Variants in HOXC4 observed in about 807,000 individuals in gnomAD.
HOXC4 encodes the protein homeobox C4.
In HOXC4, 15 loss-of-function variants were observed where a neutral mutation model predicts 25.5. The observed-to-expected ratio is 0.59, with a 90% confidence interval of 0.39 to 0.91. The LOEUF (loss-of-function observed/expected upper bound fraction) is 0.91. Among genes scored for constraint, HOXC4 ranks in the 40% least tolerant of loss-of-function variants. The pLI, the probability that HOXC4 is intolerant of heterozygous loss-of-function variation, is 0.00. For synonymous variants in HOXC4, 165 were observed against 148.0 expected, an observed-to-expected ratio of 1.11 and a Z score of -0.83; for missense variants, 342 against 352.4, an observed-to-expected ratio of 0.97 and a Z score of 0.24.
upstream of HOXC4, among the ~76,000 whole-genome samples, chr12:54,051,963 AT>A (rs558720502): frequency 6.2e-3 from 924 of 149,940 alleles, 5 homozygotes; most frequent in Non-Finnish European, 9.7e-3. Context: ...CAAGGGCTTT[AT>A]TTTTTTTTTC....
intron 1 of HOXC4, among the ~76,000 whole-genome samples, chr12:54,026,444 A>T (rs1317262712): frequency 6.6e-6 from 1 of 152,260 alleles, no homozygotes; most frequent in Non-Finnish European, 1.5e-5. Flanking sequence ...CACCCCAAAA[A>T]TGAGATAACT....
At chr12:54,034,684 C>T (rs745393889) in intron 1 of HOXC4, 70 of 580,240 alleles carry the variant, frequency 1.2e-4, no homozygotes, top group Non-Finnish European at 2.0e-4. Context: ...GCGGGGCTGT[C>T]GGCGCTGCCC....
chr12:54,039,497 G>C (rs1390914753), intron 1 of HOXC4, among the ~76,000 whole-genome samples: 1 of 151,920 alleles, frequency 6.6e-6, no homozygotes, highest in South Asian at 2.1e-4. Flanking sequence ...CCTCAGTCTC[G>C]GCCAAGATTC....
intron 1 of HOXC4, among the ~76,000 whole-genome samples, chr12:54,023,138 C>T (rs542107915): frequency 6.6e-6 from 1 of 152,350 alleles, no homozygotes; most frequent in African/African-American, 2.4e-5. Context: ...AAGCCCCCTC[C>T]TCAGCTAATA....
At position 54,034,591 on chromosome 12, in the gene HOXC4, G is replaced by A. The variant is rs1033589649; in HGVS notation, c.-124+17177G>A. 7.0e-6 allele frequency: 7 copies of A among 998,792 alleles called. No individual in the cohort carries two copies. The African/African-American group carries it at 1.1e-4, about 16-fold the overall frequency. 61.9% of individuals were successfully genotyped at this position (998,792 alleles called of 1,614,324 possible). A position where few individuals can be genotyped will look rare whatever the true frequency, so the allele number is the denominator to read the frequency against. ...TCTCTATATTTCGGGTCGGGGGCAG[G>A]TGCTGGAGCACTGGGCTCCCGGGCC... is the stretch of plus-strand genomic sequence containing the variant. On this transcript the variant is annotated intron_variant, in intron 1 of 3. Coordinates refer to the HOXC4 transcript ENST00000303406.
At chr12:54,040,116 G>A (rs1413424292) in intron 1 of HOXC4, among the ~76,000 whole-genome samples, 1 of 152,134 alleles carries the variant, frequency 6.6e-6, no homozygotes, top group East Asian at 1.9e-4. Flanking sequence ...CGCAAAGGAG[G>A]CCTGAAATTC....
intron 1 of HOXC4, chr12:54,033,276 C>T: frequency 1.9e-6 from 3 of 1,614,214 alleles, no homozygotes; most frequent in Non-Finnish European, 1.7e-6. Context: ...TTTCCCACCG[C>T]CTGCGCCTTC....
intron 1 of HOXC4, among the ~76,000 whole-genome samples, chr12:54,043,003 A>G (rs916192115): frequency 7.2e-5 from 11 of 152,310 alleles, no homozygotes; most frequent in South Asian, 2.1e-4. Context: ...CCCTCTCCCA[A>G]TCCTAAGGTT....
upstream of HOXC4, among the ~76,000 whole-genome samples, chr12:54,051,546 G>A (rs781518230): frequency 1.3e-5 from 2 of 152,156 alleles, no homozygotes; most frequent in African/African-American, 4.8e-5. Flanking sequence ...AGAGAGTTCC[G>A]GACAAGAGTG....
intron 1 of HOXC4, chr12:54,035,053 C>A (rs1941150584): frequency 6.3e-6 from 1 of 159,258 alleles, no homozygotes; most frequent in African/African-American, 2.4e-5. Context: ...AGGGCCCCCA[C>A]AGTTGCTCTA....
chr12:54,038,038 C>A (rs974099206), intron 1 of HOXC4: 3 of 152,208 alleles, frequency 2.0e-5, no homozygotes, highest in Non-Finnish European at 4.4e-5. Flanking sequence ...CTCTTTCTCT[C>A]TCTCAGACCC....
chr12:54,032,589 G>A (rs1194597072), intron 1 of HOXC4, among the ~76,000 whole-genome samples: 1 of 152,216 alleles, frequency 6.6e-6, no homozygotes. Context: ...CACTCTGTGC[G>A]TTATAAGTGG....
chr12:54,028,610 C>T (rs1199298214), intron 1 of HOXC4: 2 of 1,614,142 alleles, frequency 1.2e-6, no homozygotes, highest in Middle Eastern at 1.6e-4. Flanking sequence ...AATTCCACCG[C>T]CTATGATCCA....
Position 54,055,358 on chromosome 12 carries a change from A to C in HOXC4, c.*153A>C. 1 of 237,908 alleles carries C rather than the reference A, an allele frequency of 4.2e-6. No individual in the cohort carries two copies. The highest frequency in any genetic ancestry group is 7.8e-6 in the Non-Finnish European group (1 of 127,412). 14.7% of individuals were successfully genotyped at this position (237,908 alleles called of 1,614,324 possible). A position where few individuals can be genotyped will look rare whatever the true frequency, so the allele number is the denominator to read the frequency against. Reference sequence around the variant, plus strand: ...TCACCTTGTCCCTTGTCAGTTCCAAACAGACAAAACAGATAAACAAACAAG... The same window carrying C: ...TCACCTTGTCCCTTGTCAGTTCCAACCAGACAAAACAGATAAACAAACAAG... On this transcript the variant is annotated 3_prime_UTR_variant, in exon 2 of 2. Transcript: ENST00000430889.
chr12:54,028,655 C>T lies in HOXC4; in HGVS notation c.-124+11241C>T, dbSNP rs1281566538. On this transcript the variant is annotated intron_variant, in intron 1 of 3. Coordinates refer to the HOXC4 transcript ENST00000303406. Reference sequence around the variant, plus strand: ...TTCTCGACCTATGGAGCGGCCGTTGCCCAGAACCGGATCTACTCGACTCCC... The same window carrying T: ...TTCTCGACCTATGGAGCGGCCGTTGTCCAGAACCGGATCTACTCGACTCCC... The T allele has an allele frequency of 6.8e-6, 11 of 1,614,040 alleles. No homozygotes were observed. Among genetic ancestry groups the T allele is most frequent in the African/African-American group, 1.3e-5 (1 of 74,900 alleles).
intron 1 of HOXC4, among the ~76,000 whole-genome samples, chr12:54,032,551 G>T (rs1941024956): frequency 6.6e-6 from 1 of 152,238 alleles, no homozygotes; most frequent in Non-Finnish European, 1.5e-5. Context: ...CCTGGAGGTT[G>T]GGAGAACGGG....
chr12:54,041,567 G>A (rs1046224325), intron 1 of HOXC4, among the ~76,000 whole-genome samples: 6 of 152,202 alleles, frequency 3.9e-5, no homozygotes, highest in African/African-American at 9.7e-5. Context: ...CTGGTTTGGG[G>A]ACAATGCCAC....
At chr12:54,026,945 C>T (rs573890653) in intron 1 of HOXC4, among the ~76,000 whole-genome samples, 9 of 138,726 alleles carry the variant, frequency 6.5e-5, no homozygotes, top group East Asian at 2.1e-4. Flanking sequence ...TTCCCCCCCC[C>T]CAACCCACCC....
intron 1 of HOXC4, among the ~76,000 whole-genome samples, chr12:54,047,542 C>T (rs1357867198): frequency 6.6e-6 from 1 of 152,200 alleles, no homozygotes; most frequent in Non-Finnish European, 1.5e-5. Flanking sequence ...TTTAAACAGT[C>T]GGAGGCAGAG....
Sources: gnomAD v4.1 joint callset for allele counts (sites outside exome capture counted in the v4.1 genomes callset) on GRCh38, gnomAD v4.1.1 for gene constraint, MANE v1.5 for transcripts, NCBI Gene and HGNC (gene_info 2026-07-23, HGNC 2026-07-21) for gene names.